The following NPIPB15 variants were observed in gnomAD, a reference collection of about 807,000 sequenced individuals.
NPIPB15 encodes nuclear pore complex-interacting protein family member B15.
A neutral mutation model predicts 35.9 loss-of-function variants in NPIPB15; 5 were observed. The observed-to-expected ratio is 0.14, with a 90% CI of 0.07 to 0.29. The LOEUF is 0.29. NPIPB15 is among the 10% of genes least tolerant of loss of function. The probability of loss-of-function intolerance (pLI) is 1.00; values close to 1 mark genes in which losing one functional copy is unlikely to be tolerated. For synonymous variants in NPIPB15, 43 were observed against 182.0 expected (o/e 0.24, Z 6.15); for missense variants, 100 against 506.1 (o/e 0.20, Z 7.70).
chr16:74,378,799 T>TA (rs1425965780), intron 2 of NPIPB15, among the ~76,000 whole-genome samples: 1 of 151,272 alleles, frequency 6.6e-6, no homozygotes, highest in Non-Finnish European at 1.5e-5. Flanking sequence ...TACATTATTT[T>TA]ATTTATTTAT....
chr16:74,384,891 G>A (rs911166382), intron 3 of NPIPB15, among the ~76,000 whole-genome samples: 6 of 151,436 alleles, frequency 4.0e-5, no homozygotes, highest in Non-Finnish European at 8.8e-5. Context: ...ATGTTGGTGA[G>A]GCTGGTCTCA....
chr16:74,385,034 T>C, intron 3 of NPIPB15, among the ~76,000 whole-genome samples: 1 of 132,360 alleles, frequency 7.6e-6, no homozygotes, highest in East Asian at 3.0e-4. Context: ...TGTGTGTGTG[T>C]GACAGAGTCT....
At chr16:74,388,391 C>T in intron 5 of NPIPB15, 1 of 931,768 alleles carries the variant, frequency 1.1e-6, no homozygotes, top group African/African-American at 1.9e-5. Context: ...AAACACAAGA[C>T]TGACCCCAGA....
At chr16:74,379,158 C>G (rs865811923) in intron 2 of NPIPB15, among the ~76,000 whole-genome samples, 4 of 152,246 alleles carry the variant, frequency 2.6e-5, no homozygotes, top group African/African-American at 9.6e-5. Context: ...CAGCCAGTCT[C>G]TTTCTTATCA....
chr16:74,379,807 C>T (rs2011885495), intron 2 of NPIPB15, among the ~76,000 whole-genome samples: 1 of 151,836 alleles, frequency 6.6e-6, no homozygotes, highest in Non-Finnish European at 1.5e-5. Flanking sequence ...CTAGGATGGT[C>T]TCAATCTCCT....
intron 2 of NPIPB15, among the ~76,000 whole-genome samples, chr16:74,378,803 T>C (rs1168680212): frequency 6.6e-6 from 1 of 151,562 alleles, no homozygotes; most frequent in Non-Finnish European, 1.5e-5. Flanking sequence ...TTATTTTATT[T>C]ATTTATTTAT....
At chr16:74,388,075 A>AATAGATGCACCCAGC (rs1462186822) in intron 5 of NPIPB15, 1 of 981,242 alleles carries the variant, frequency 1.0e-6, no homozygotes, top group African/African-American at 1.8e-5. Flanking sequence ...TTTCTAATTC[A>AATAGATGCACCCAGC]ATAGATGCAC....
intron 5 of NPIPB15, among the ~76,000 whole-genome samples, chr16:74,389,211 C>G (rs1268672301): frequency 7.0e-6 from 1 of 143,018 alleles, no homozygotes; most frequent in Non-Finnish European, 1.5e-5. Flanking sequence ...GATATTAATA[C>G]AAAGAGAATA....
At chr16:74,378,771 C>A (rs1193935323) in intron 2 of NPIPB15, among the ~76,000 whole-genome samples, 2 of 150,914 alleles carry the variant, frequency 1.3e-5, no homozygotes, top group African/African-American at 2.4e-5. Flanking sequence ...CAGCATAAAC[C>A]GACCCCCTTT....
intron 3 of NPIPB15, among the ~76,000 whole-genome samples, chr16:74,383,713 C>T (rs1474223991): frequency 6.6e-6 from 1 of 150,796 alleles, no homozygotes; most frequent in Non-Finnish European, 1.5e-5. Flanking sequence ...GTCAGGAGTT[C>T]AAGACCAGAT....
intron 3 of NPIPB15, among the ~76,000 whole-genome samples, chr16:74,382,863 A>C (rs1422280530): frequency 1.3e-5 from 2 of 151,208 alleles, no homozygotes; most frequent in Non-Finnish European, 2.9e-5. Flanking sequence ...TCTCTATGCC[A>C]CTTAGTCCTG....
At chr16:74,386,192 C>CCAG (rs1313900361) in intron 5 of NPIPB15, among the ~76,000 whole-genome samples, 2 of 126,398 alleles carry the variant, frequency 1.6e-5, no homozygotes, top group Non-Finnish European at 3.2e-5. Flanking sequence ...ACCATGTTGT[C>CCAG]CAGGCTGGTC....
At chr16:74,386,913 TCA>T (rs1364264450) in intron 5 of NPIPB15, among the ~76,000 whole-genome samples, 1 of 147,670 alleles carries the variant, frequency 6.8e-6, no homozygotes, top group African/African-American at 2.5e-5. Flanking sequence ...ACCTCCAGAT[TCA>T]TTTTCACAGT....
At chr16:74,383,954 A>AC (rs2012122814) in intron 3 of NPIPB15, among the ~76,000 whole-genome samples, 2 of 145,896 alleles carry the variant, frequency 1.4e-5, no homozygotes, top group African/African-American at 5.0e-5. Flanking sequence ...GGAGATTCAT[A>AC]GGTATCTGAC....
chr16:74,383,831 G>A (rs1260712072), intron 3 of NPIPB15, among the ~76,000 whole-genome samples: 3 of 151,908 alleles, frequency 2.0e-5, no homozygotes, highest in Non-Finnish European at 2.9e-5. Flanking sequence ...CACAAGAATC[G>A]CTTGAATCTG....
Position 74,379,585 on chromosome 16 carries a change from ATTTTTTT to A in NPIPB15, c.66+1562_66+1568del, listed in dbSNP as rs547124371. Among the ~76,000 whole-genome samples, 18 of 124,548 alleles carry A rather than the reference ATTTTTTT, an allele frequency of 1.4e-4. 1 individual carries two copies. The highest frequency in any genetic ancestry group is 2.4e-4 in the East Asian group (1 of 4,190). The allele number at this position is 124,548 out of a possible 152,430, so 81.7% of individuals were successfully genotyped here. A position where few individuals can be genotyped will look rare whatever the true frequency, so the allele number is the denominator to read the frequency against. On this transcript the variant is annotated intron_variant, in intron 2 of 7. Coordinates refer to ENST00000692376, the MANE Select transcript of NPIPB15 (RefSeq NM_001306094.2). Reference sequence around the variant, plus strand: ...CATTTTCATGATCTCCACCTTGGTAATTTTTTTTTTTTTTTTTTTTTTGAGACAGAGT... The same window carrying A: ...CATTTTCATGATCTCCACCTTGGTAATTTTTTTTTTTTTTTGAGACAGAGT...
At chr16:74,384,932 C>T (rs1393318357) in intron 3 of NPIPB15, among the ~76,000 whole-genome samples, 3 of 151,062 alleles carry the variant, frequency 2.0e-5, no homozygotes, top group South Asian at 2.1e-4. Context: ...CCACCTGCCT[C>T]GGCCTCCCAA....
At chr16:74,389,624 G>C (rs1161155016) in intron 5 of NPIPB15, among the ~76,000 whole-genome samples, 1 of 92,812 alleles carries the variant, frequency 1.1e-5, no homozygotes, top group Non-Finnish European at 2.2e-5. Context: ...CATCCGCCTC[G>C]CCCTCCCGGA....
At chr16:74,384,976 A>G (rs1245306448) in intron 3 of NPIPB15, among the ~76,000 whole-genome samples, 1 of 122,488 alleles carries the variant, frequency 8.2e-6, no homozygotes, top group African/African-American at 3.2e-5. Flanking sequence ...TCACCGTGCC[A>G]GCCTCATGTC....
Sources: gnomAD v4.1 joint callset for allele counts (sites outside exome capture counted in the v4.1 genomes callset) on GRCh38, gnomAD v4.1.1 for gene constraint, MANE v1.5 for transcripts, NCBI Gene and HGNC (gene_info 2026-07-23, HGNC 2026-07-21) for gene names.